PRKCA: variants seen among roughly 807,000 people sequenced by gnomAD.
PRKCA encodes the protein protein kinase C alpha.
A neutral mutation model predicts 87.0 loss-of-function variants in PRKCA; 27 were observed. The observed-to-expected ratio is 0.31, with a 90% CI of 0.23 to 0.43. PRKCA has a LOEUF of 0.43. PRKCA is among the 20% of genes least tolerant of loss of function. The pLI is 1.00. For missense variants in PRKCA, 518 were observed against 852.3 expected (o/e 0.61, Z 4.88); for synonymous variants, 329 against 311.1 (o/e 1.06, Z -0.61).
chr17:66,496,318 G>T (rs1202455189), intron 3 of PRKCA, 35 bp downstream of exon 3: 1 of 1,557,762 alleles, frequency 6.4e-7, no homozygotes, highest in Admixed American at 1.7e-5. Context: ...TGATGTCAAT[G>T]TGGATTTCTG....
intron 2 of PRKCA, among the ~76,000 whole-genome samples, chr17:66,370,506 C>T (rs1285922963): frequency 6.7e-6 from 1 of 149,776 alleles, no homozygotes; most frequent in East Asian, 2.0e-4. Context: ...TTAATCTTCA[C>T]AATAGCGCTA....
chr17:66,659,745 A>G (rs1295553749), intron 5 of PRKCA, among the ~76,000 whole-genome samples: 2 of 151,998 alleles, frequency 1.3e-5, no homozygotes. Flanking sequence ...CGTCACAAAA[A>G]AAAGAAGTCA....
intron 2 of PRKCA, among the ~76,000 whole-genome samples, chr17:66,332,175 GATAAAAT>G (rs1420100121): frequency 6.7e-6 from 1 of 150,160 alleles, no homozygotes; most frequent in East Asian, 2.0e-4. Context: ...CATCTTATTT[GATAAAAT>G]ATTTTTTCTT....
At chr17:66,679,375 G>C (rs1972429064) in intron 5 of PRKCA, among the ~76,000 whole-genome samples, 1 of 152,022 alleles carries the variant, frequency 6.6e-6, no homozygotes, top group Non-Finnish European at 1.5e-5. Flanking sequence ...TGGAGATGGG[G>C]TTTCACCGTG....
At chr17:66,693,875 G>T (rs1309359567) in intron 8 of PRKCA, among the ~76,000 whole-genome samples, 1 of 152,126 alleles carries the variant, frequency 6.6e-6, no homozygotes. Flanking sequence ...GACCAGAATT[G>T]GCCCAAGGGC....
At chr17:66,320,711 A>G (rs1368851420) in intron 2 of PRKCA, among the ~76,000 whole-genome samples, 1 of 152,226 alleles carries the variant, frequency 6.6e-6, no homozygotes. Flanking sequence ...TTCTCTGGCA[A>G]CAGGCTATAC....
At chr17:66,663,361 T>C (rs1417164225) in intron 5 of PRKCA, among the ~76,000 whole-genome samples, 1 of 152,264 alleles carries the variant, frequency 6.6e-6, no homozygotes, top group Non-Finnish European at 1.5e-5. Flanking sequence ...ATGCTTATAA[T>C]TTTATTAGCA....
chr17:66,469,362 A>C (rs569997740), intron 2 of PRKCA, among the ~76,000 whole-genome samples: 27 of 152,282 alleles, frequency 1.8e-4, no homozygotes, highest in African/African-American at 6.3e-4. Context: ...TGTTTCTTAA[A>C]AACAAAACAA....
At chr17:66,774,385 C>T in intron 14 of PRKCA, 1 of 1,126,992 alleles carries the variant, frequency 8.9e-7, no homozygotes, top group Non-Finnish European at 1.1e-6. Flanking sequence ...CTTTCAGAAG[C>T]CAAGGCAGGC....
At chr17:66,505,942 C>T (rs910048541) in intron 3 of PRKCA, among the ~76,000 whole-genome samples, 6 of 152,148 alleles carry the variant, frequency 3.9e-5, no homozygotes, top group Non-Finnish European at 7.3e-5. Flanking sequence ...GATCCTCCTG[C>T]GTAGCTGGGG....
At chr17:66,728,265 C>G (rs1352637603) in intron 8 of PRKCA, among the ~76,000 whole-genome samples, 1 of 152,192 alleles carries the variant, frequency 6.6e-6, no homozygotes, top group Non-Finnish European at 1.5e-5. Flanking sequence ...TCTATTCTGA[C>G]CCTCTGGGCC....
intron 2 of PRKCA, among the ~76,000 whole-genome samples, chr17:66,461,560 T>G (rs1914855694): frequency 6.6e-6 from 1 of 152,218 alleles, no homozygotes; most frequent in Non-Finnish European, 1.5e-5. Context: ...TATCTCCTAA[T>G]TCTGTGCTTA....
chr17:66,775,175 C>T (rs1393904482), intron 14 of PRKCA: 74 of 957,458 alleles, frequency 7.7e-5, no homozygotes, highest in Non-Finnish European at 8.7e-5. Flanking sequence ...GTGGTCAGTG[C>T]CCACCCCCAC....
rs138792967 is a variant in PRKCA, at chr17:66,654,118, G to A, written c.529+8607G>A. ...TCTTGCAGAGAGGATTGGTGGGTCCGTTTAGCTAGGAAGTGGTCGCACCAT... is the reference window on the plus strand; with the variant it reads ...TCTTGCAGAGAGGATTGGTGGGTCCATTTAGCTAGGAAGTGGTCGCACCAT... On this transcript the variant is annotated intron_variant, in intron 5 of 16. Coordinates refer to ENST00000413366, the MANE Select transcript of PRKCA (RefSeq NM_002737.3). 6.0e-4 allele frequency among the ~76,000 whole-genome samples: 92 copies of A among 152,300 alleles called. 1 individual carries two copies. Among genetic ancestry groups the A allele is most frequent in the Middle Eastern group, 6.8e-3 (2 of 294 alleles).
chr17:66,778,949 G>A (rs1316093057), intron 14 of PRKCA, among the ~76,000 whole-genome samples: 6 of 151,218 alleles, frequency 4.0e-5, no homozygotes, highest in African/African-American at 7.3e-5. Flanking sequence ...CACCTCACCC[G>A]CCTCAAACAC....
chr17:66,777,504 G>C, intron 14 of PRKCA: 1 of 973,728 alleles, frequency 1.0e-6, no homozygotes, highest in Non-Finnish European at 1.2e-6. Flanking sequence ...TTCGTACACA[G>C]TCACCATCAG....
At chr17:66,458,968 C>T (rs750985461) in intron 2 of PRKCA, among the ~76,000 whole-genome samples, 15 of 151,944 alleles carry the variant, frequency 9.9e-5, no homozygotes, top group African/African-American at 3.6e-4. Flanking sequence ...CAGATGGGAA[C>T]GTAGAGGCTG....
chr17:66,442,652 A>G (rs1297114893), intron 2 of PRKCA, among the ~76,000 whole-genome samples: 1 of 152,152 alleles, frequency 6.6e-6, no homozygotes, highest in Non-Finnish European at 1.5e-5. Context: ...GCTGTAATGC[A>G]GAATTTTGTT....
At chr17:66,625,718 C>T (rs186798084) in intron 3 of PRKCA, among the ~76,000 whole-genome samples, 21 of 152,272 alleles carry the variant, frequency 1.4e-4, no homozygotes, top group Non-Finnish European at 2.1e-4. Flanking sequence ...CCAGAAGAAG[C>T]CTTATTGCCC....
Sources: gnomAD v4.1 joint callset for allele counts (sites outside exome capture counted in the v4.1 genomes callset) on GRCh38, gnomAD v4.1.1 for gene constraint, MANE v1.5 for transcripts, NCBI Gene and HGNC (gene_info 2026-07-23, HGNC 2026-07-21) for gene names.